MAP4K4: variants seen among roughly 807,000 people sequenced by gnomAD.
MAP4K4 encodes mitogen-activated protein kinase kinase kinase kinase 4.
MAP4K4 carries 38 observed loss-of-function variants against 189.6 expected under a neutral mutation model. The ratio of observed to expected loss-of-function variants is 0.20; its 90% CI spans 0.15 to 0.26. The LOEUF is 0.26. Among genes scored for constraint, MAP4K4 ranks in the 10% least tolerant of loss-of-function variants. The pLI is 1.00. For missense variants in MAP4K4, 1,054 were observed against 1,726.9 expected, an observed-to-expected ratio of 0.61 and a Z score of 6.91; for synonymous variants, 610 against 624.3, an observed-to-expected ratio of 0.98 and a Z score of 0.34.
intron 2 of MAP4K4, among the ~76,000 whole-genome samples, chr2:101,747,270 T>C (rs1042749324): frequency 6.6e-6 from 1 of 151,998 alleles, no homozygotes; most frequent in East Asian, 1.9e-4. Context: ...AGGCACCTGA[T>C]ACCAGGCCCG....
chr2:101,836,039 T>C, intron 9 of MAP4K4, 61 bp downstream of exon 9: 2 of 1,270,484 alleles, frequency 1.6e-6, no homozygotes, highest in Non-Finnish European at 2.3e-6. Context: ...TTCTTTTTAG[T>C]TATACTTTCC....
At chr2:101,852,322 A>C (rs2097312182) in intron 12 of MAP4K4, among the ~76,000 whole-genome samples, 1 of 152,132 alleles carries the variant, frequency 6.6e-6, no homozygotes. Flanking sequence ...CGTTGGGTAA[A>C]TTCACAGCAG....
intron 2 of MAP4K4, among the ~76,000 whole-genome samples, chr2:101,768,479 A>G (rs2079746989): frequency 6.6e-6 from 1 of 152,192 alleles, no homozygotes; most frequent in Non-Finnish European, 1.5e-5. Context: ...TAGGTATTGT[A>G]TGCTTTTGAT....
intron 27 of MAP4K4, 92 bp downstream of exon 27, chr2:101,877,238 T>C: frequency 2.3e-6 from 3 of 1,282,336 alleles, no homozygotes; most frequent in Non-Finnish European, 3.3e-6. Context: ...CATTCACTGA[T>C]GTACTGGCTA....
intron 2 of MAP4K4, among the ~76,000 whole-genome samples, chr2:101,777,419 G>A (rs932211310): frequency 6.6e-6 from 1 of 152,178 alleles, no homozygotes; most frequent in Admixed American, 6.5e-5. Context: ...AACAGTATGG[G>A]TAGTGGAGCT....
Position 101,795,267 on chromosome 2 carries a change from C to A in MAP4K4, c.180+4491C>A, listed in dbSNP as rs561943410. Among the ~76,000 whole-genome samples the A allele has an allele frequency of 1.7e-3, 252 of 152,284 alleles. 1 individual carries two copies. Among genetic ancestry groups the A allele is most frequent in the African/African-American group, 4.6e-3 (191 of 41,544 alleles). On this transcript the variant is annotated intron_variant, in intron 3 of 32. Transcript: ENST00000324219. ...GCAACCTTTCAACTAATGGCTTTGG[C>A]ATTCATTTAATGATTCTTGCTTAGG...
At chr2:101,798,028 C>T (rs964910405) in intron 3 of MAP4K4, among the ~76,000 whole-genome samples, 1 of 151,126 alleles carries the variant, frequency 6.6e-6, no homozygotes, top group South Asian at 2.1e-4. Flanking sequence ...AAATGATCCC[C>T]CCCATCTCAG....
At chr2:101,749,766 C>CAA (rs2067669763) in intron 2 of MAP4K4, among the ~76,000 whole-genome samples, 1 of 144,128 alleles carries the variant, frequency 6.9e-6, no homozygotes, top group African/African-American at 2.7e-5. Context: ...ACTCATCTGA[C>CAA]AAAGGGCTAA....
At chr2:101,797,778 A>T (rs1254012333) in intron 3 of MAP4K4, among the ~76,000 whole-genome samples, 1 of 150,970 alleles carries the variant, frequency 6.6e-6, no homozygotes, top group Non-Finnish European at 1.5e-5. Context: ...AAGTATAGTG[A>T]TTTTGAGAAC....
chr2:101,777,684 T>C lies in MAP4K4; in HGVS notation c.124-13036T>C, dbSNP rs1315938272. On this transcript the variant is annotated intron_variant, in intron 2 of 32. Transcript: ENST00000324219. ...ATTTCCATCCTTTTTCTTTTAACTA[T>C]GAGAACGTATTCAGAAGAGCAGAAG... Among the ~76,000 whole-genome samples, 3 of 152,226 alleles carry C rather than the reference T, an allele frequency of 2.0e-5. No individual in the cohort carries two copies. In the East Asian group the frequency reaches 5.8e-4, roughly 29 times the overall value.
chr2:101,787,804 C>CT (rs750909990), intron 2 of MAP4K4, among the ~76,000 whole-genome samples: 38,473 of 128,708 alleles, frequency 0.3, 7,443 homozygotes, highest in African/African-American at 0.52. Context: ...TAGAAGTTTG[C>CT]TTTTTTTTTT....
At chr2:101,871,505 C>A in exon 24 of MAP4K4, 2 of 1,534,810 alleles carry the variant, frequency 1.3e-6, no homozygotes, top group Non-Finnish European at 1.7e-6. Context: ...GTACAGTTGA[C>A]CAAAAGCGTG....
intron 2 of MAP4K4, among the ~76,000 whole-genome samples, chr2:101,723,751 A>G (rs1018966529): frequency 4.6e-5 from 7 of 152,248 alleles, no homozygotes; most frequent in Non-Finnish European, 5.9e-5. Context: ...AGAAGAAACC[A>G]TAAACTGGTT....
intron 2 of MAP4K4, among the ~76,000 whole-genome samples, chr2:101,712,181 TTTATTTA>T (rs985286760): frequency 6.6e-6 from 1 of 151,760 alleles, no homozygotes. Context: ...ACATTTCACT[TTTATTTA>T]TTATTTATTT....
At chr2:101,743,499 A>G (rs1209883572) in intron 2 of MAP4K4, among the ~76,000 whole-genome samples, 1 of 152,060 alleles carries the variant, frequency 6.6e-6, no homozygotes, top group Non-Finnish European at 1.5e-5. Flanking sequence ...TATTCATGTG[A>G]CAGGGCCTTG....
intron 12 of MAP4K4, among the ~76,000 whole-genome samples, chr2:101,846,152 T>G (rs1337491849): frequency 1.3e-5 from 2 of 152,250 alleles, no homozygotes; most frequent in Non-Finnish European, 2.9e-5. Flanking sequence ...ACTTCGCTGC[T>G]TTTATAATGC....
intron 2 of MAP4K4, among the ~76,000 whole-genome samples, chr2:101,723,728 T>A (rs2053603116): frequency 1.3e-5 from 2 of 152,188 alleles, no homozygotes; most frequent in East Asian, 1.9e-4. Context: ...TTTCTACACT[T>A]TGAGAGAGAT....
rs572327749 is a variant in MAP4K4 at position 101,784,163 on chromosome 2, T to G, written c.124-6557T>G. ...TAGTGATGTGTCCTTCCTGAACAGCTGCTTTTGCACATCCTATGAAAGCAG... is the reference window on the plus strand; with the variant it reads ...TAGTGATGTGTCCTTCCTGAACAGCGGCTTTTGCACATCCTATGAAAGCAG... On this transcript the variant is annotated intron_variant, in intron 2 of 32. Transcript: ENST00000324219. Among the ~76,000 whole-genome samples the G allele has an allele frequency of 1.8e-3, 274 of 152,294 alleles. 1 individual carries two copies. The highest frequency in any genetic ancestry group is 6.8e-3 in the Admixed American group (104 of 15,300).
intron 20 of MAP4K4, 39 bp from the exon 21 acceptor site, chr2:101,867,990 A>C: frequency 1.2e-6 from 2 of 1,612,300 alleles, no homozygotes; most frequent in Non-Finnish European, 1.7e-6. Context: ...CTCATCAACG[A>C]TGGCTTCTCG....
Sources: allele counts gnomAD v4.1 joint callset (sites outside exome capture counted in the v4.1 genomes callset), GRCh38; gene constraint gnomAD v4.1.1; transcripts MANE v1.5; gene names NCBI Gene and HGNC (gene_info 2026-07-23, HGNC 2026-07-21).